Variants in UNC79 observed in about 807,000 individuals in gnomAD.
UNC79 encodes protein unc-79 homolog.
In UNC79, 37 loss-of-function variants were observed where a neutral mutation model predicts 283.1. The ratio of observed to expected loss-of-function variants is 0.13; its 90% CI spans 0.10 to 0.17. UNC79 has a LOEUF of 0.17. UNC79 is among the 10% of genes least tolerant of loss of function. The pLI is 1.00. For missense variants in UNC79, 2,272 were observed against 3,211.1 expected (o/e 0.71, Z 7.07); for synonymous variants, 1,107 against 1,200.2 (o/e 0.92, Z 1.61).
chr14:93,604,389 A>G (rs564196639), intron 26 of UNC79, among the ~76,000 whole-genome samples: 1 of 152,292 alleles, frequency 6.6e-6, no homozygotes, highest in South Asian at 2.1e-4. Context: ...ATTTTATGAC[A>G]AGCTATGGAA....
At chr14:93,383,588 T>C (rs1303987800) in intron 1 of UNC79, among the ~76,000 whole-genome samples, 1 of 152,178 alleles carries the variant, frequency 6.6e-6, no homozygotes, top group Non-Finnish European at 1.5e-5. Context: ...TGAATGATCA[T>C]ATGAACCTAC....
At chr14:93,557,659 C>CAT in intron 14 of UNC79, among the ~76,000 whole-genome samples, 1 of 151,990 alleles carries the variant, frequency 6.6e-6, no homozygotes, top group African/African-American at 2.4e-5. Context: ...GAGAGAGTAC[C>CAT]CCCATATGGT....
chr14:93,563,805 A>G (rs1319486905), intron 14 of UNC79, among the ~76,000 whole-genome samples: 1 of 152,134 alleles, frequency 6.6e-6, no homozygotes, highest in Non-Finnish European at 1.5e-5. Context: ...CCCGGATTGA[A>G]GTCTGGGCCA....
chr14:93,370,616 C>CA (rs368363583), intron 1 of UNC79, among the ~76,000 whole-genome samples: 1 of 152,062 alleles, frequency 6.6e-6, no homozygotes, highest in African/African-American at 2.4e-5. Flanking sequence ...ACTAAAAATA[C>CA]AAAAAATTAG....
intron 12 of UNC79, among the ~76,000 whole-genome samples, chr14:93,540,025 A>G (rs913867792): frequency 6.6e-5 from 10 of 152,224 alleles, no homozygotes; most frequent in African/African-American, 2.2e-4. Flanking sequence ...AGATGACCAG[A>G]TATCAAATAC....
At chr14:93,336,210 G>T (rs1338749133) in intron 1 of UNC79, among the ~76,000 whole-genome samples, 1 of 152,158 alleles carries the variant, frequency 6.6e-6, no homozygotes, top group Non-Finnish European at 1.5e-5. Flanking sequence ...TTCTCTGCAT[G>T]TAACAATCCT....
chr14:93,662,517 ATTAG>A (rs2071706176), intron 39 of UNC79, 83 bp from the exon 43 acceptor site: 4 of 894,724 alleles, frequency 4.5e-6, no homozygotes, highest in Admixed American at 5.5e-5. Flanking sequence ...AAGTGATTCC[ATTAG>A]TTAAAGTATC....
At chr14:93,448,470 A>G (rs1161181778) in intron 1 of UNC79, among the ~76,000 whole-genome samples, 1 of 152,154 alleles carries the variant, frequency 6.6e-6, no homozygotes, top group African/African-American at 2.4e-5. Context: ...ATTCATTAAA[A>G]TCCTTGTCTG....
At chr14:93,591,033 G>A (rs898030709) in intron 22 of UNC79, among the ~76,000 whole-genome samples, 3 of 152,204 alleles carry the variant, frequency 2.0e-5, no homozygotes, top group Non-Finnish European at 2.9e-5. Context: ...AGGACACAAA[G>A]GTTTAGAGAA....
chr14:93,618,217 G>A (rs779047472), exon 29 of UNC79: 8 of 1,613,352 alleles, frequency 5.0e-6, no homozygotes, highest in Non-Finnish European at 6.8e-6. Flanking sequence ...TGTGATATCA[G>A]CAAGATCCTG....
At chr14:93,428,197 A>T (rs2055773041), upstream of UNC79, among the ~76,000 whole-genome samples, 2 of 152,242 alleles carry the variant, frequency 1.3e-5, no homozygotes, top group African/African-American at 4.8e-5. Context: ...GAGGCCACTT[A>T]TTCAGTAAGA....
intron 14 of UNC79, among the ~76,000 whole-genome samples, chr14:93,551,169 C>T (rs1261189612): frequency 6.6e-6 from 1 of 152,166 alleles, no homozygotes; most frequent in Non-Finnish European, 1.5e-5. Context: ...CCTGCCTCAA[C>T]CTCCCGAGTA....
chr14:93,516,441 TA>T (rs200383112), intron 7 of UNC79, among the ~76,000 whole-genome samples: 2,319 of 65,736 alleles, frequency 0.035, 32 homozygotes, highest in South Asian at 0.19. Flanking sequence ...TCTGCTTGGA[TA>T]TTTTTTTTGG....
intron 14 of UNC79, among the ~76,000 whole-genome samples, chr14:93,561,462 G>T (rs2062547546): frequency 6.6e-6 from 1 of 152,126 alleles, no homozygotes; most frequent in Admixed American, 6.5e-5. Context: ...GTTTGGAGGT[G>T]TAGGGAGACA....
At chr14:93,551,434 A>G (rs1447587770) in intron 14 of UNC79, among the ~76,000 whole-genome samples, 1 of 152,134 alleles carries the variant, frequency 6.6e-6, no homozygotes, top group Non-Finnish European at 1.5e-5. Context: ...TGTTAGAGGT[A>G]GGGTATGCAG....
intron 10 of UNC79, among the ~76,000 whole-genome samples, chr14:93,532,058 C>T (rs1347268988): frequency 6.6e-6 from 1 of 151,910 alleles, no homozygotes; most frequent in East Asian, 1.9e-4. Flanking sequence ...AAACTAGAAG[C>T]CAATAAAAGT....
chr14:93,361,913 A>G (rs923168583), intron 1 of UNC79, among the ~76,000 whole-genome samples: 1 of 152,204 alleles, frequency 6.6e-6, no homozygotes, highest in Non-Finnish European at 1.5e-5. Flanking sequence ...GGGGTGTTGA[A>G]TTTTATCAAA....
rs74471639 is a variant in UNC79, at chr14:93,544,084, G to T, written c.1755+1388G>T. 2.2e-3 allele frequency among the ~76,000 whole-genome samples: 336 copies of T among 152,294 alleles called. 1 individual carries two copies. Among genetic ancestry groups the T allele is most frequent in the African/African-American group, 7.6e-3 (317 of 41,546 alleles). ...TTATTATGTCTATTGGAATAGTGAA[G>T]GATTGATGTGACATGCTTCTGGAAA... On this transcript the variant is annotated intron_variant, in intron 14 of 48. Transcript: ENST00000555664.
At chr14:93,406,820 T>G (rs1409169631) in intron 1 of UNC79, among the ~76,000 whole-genome samples, 3 of 152,266 alleles carry the variant, frequency 2.0e-5, no homozygotes, top group Admixed American at 6.5e-5. Flanking sequence ...GAAGGTGAAC[T>G]GCATATATTA....
Sources: gnomAD v4.1 joint callset for allele counts (sites outside exome capture counted in the v4.1 genomes callset) on GRCh38, gnomAD v4.1.1 for gene constraint, MANE v1.5 for transcripts, NCBI Gene and HGNC (gene_info 2026-07-23, HGNC 2026-07-21) for gene names.